ERICH3: variants seen among roughly 807,000 people sequenced by gnomAD.
ERICH3 encodes the protein glutamate rich 3.
ERICH3 carries 126 observed loss-of-function variants against 131.1 expected under a neutral mutation model. That is an observed-to-expected ratio of 0.96 (90% confidence interval 0.83 to 1.11). The LOEUF is 1.11. ERICH3 is among the 50% of genes most tolerant of loss of function. The pLI, the probability that ERICH3 is intolerant of heterozygous loss-of-function variation, is 0.00. For missense variants in ERICH3, 2,050 were observed against 1,810.7 expected (o/e 1.13, Z -2.40); for synonymous variants, 695 against 644.6 (o/e 1.08, Z -1.18).
chr1:74,595,890 T>C lies in ERICH3; in HGVS notation c.1726+3805A>G, dbSNP rs114507477. On this transcript the variant is annotated intron_variant, in intron 11 of 14. Coordinates refer to ENST00000326665, the MANE Select transcript of ERICH3 (RefSeq NM_001002912.5). ...ACCACGCAAAAAATCACACATATTA[T>C]ATAGTCTTTGGTCAGAAGCCATCTA... Among the ~76,000 whole-genome samples the C allele has an allele frequency of 1.5e-3, 234 of 152,198 alleles. 1 individual carries two copies. Among genetic ancestry groups the C allele is most frequent in the African/African-American group, 5.4e-3 (226 of 41,550 alleles).
At chr1:74,610,160 A>C (rs181464561) in intron 9 of ERICH3, among the ~76,000 whole-genome samples, 8 of 152,036 alleles carry the variant, frequency 5.3e-5, no homozygotes, top group Admixed American at 2.6e-4. Flanking sequence ...AAGGCAGTTC[A>C]GGTGGCCCCT....
chr1:74,619,304 T>C (rs1245694058), intron 8 of ERICH3, among the ~76,000 whole-genome samples: 1 of 152,206 alleles, frequency 6.6e-6, no homozygotes, highest in East Asian at 1.9e-4. Context: ...ATCTATCACA[T>C]TTTCCAGCAA....
chr1:74,629,911 G>GA (rs1212093904), intron 7 of ERICH3, among the ~76,000 whole-genome samples: 2 of 152,012 alleles, frequency 1.3e-5, no homozygotes, highest in African/African-American at 2.4e-5. Flanking sequence ...GCTTGCTCTG[G>GA]AAAAATTAAA....
Position 74,590,003 on chromosome 1 carries a change from C to T in ERICH3, c.1804G>A (p.Asp602Asn). ...SDSEDESAVG[D>N]REAHTDSSTD... Reference sequence around the variant, plus strand: ...CTGCTGTCAGTGTGGGCTTCCCTGTCCCCCACTGCAGATTCATCCTCACTG... The same window carrying T: ...CTGCTGTCAGTGTGGGCTTCCCTGTTCCCCACTGCAGATTCATCCTCACTG... The change falls in exon 12 of 15, where the codon GAC (aspartate) becomes AAC (asparagine). Residue 602 changes from aspartate (D) to asparagine (N), a missense_variant. Transcript: ENST00000326665. The T allele has an allele frequency of 3.1e-6, 5 of 1,613,842 alleles. No homozygotes were observed. The highest frequency in any genetic ancestry group is 2.2e-5 in the East Asian group (1 of 44,852).
At chr1:74,652,084 A>G (rs1293700126) in intron 1 of ERICH3, among the ~76,000 whole-genome samples, 4 of 152,178 alleles carry the variant, frequency 2.6e-5, no homozygotes, top group Admixed American at 6.5e-5. Flanking sequence ...TTCCACAACT[A>G]TCACCATATG....
intron 5 of ERICH3, among the ~76,000 whole-genome samples, chr1:74,640,440 T>C (rs1171920224): frequency 6.6e-6 from 1 of 152,202 alleles, no homozygotes; most frequent in East Asian, 1.9e-4. Context: ...CTATATGTGA[T>C]GAACCTACTT....
chr1:74,573,275 C>T lies in ERICH3; in HGVS notation c.2435G>A (p.Trp812Ter). ...TTCTGGCTGCTCTGCTGTTGGCTTC[C>T]ACGCCCTCAAGGGAGCCTCATGAAC... ...GAVHEAPLRAWKPTAEQPELA... is the reference protein window; with the variant it reads ...GAVHEAPLRA The change falls in exon 14 of 15, where the codon TGG becomes TAG. Residue 812 changes from tryptophan (W) to a stop codon, truncating the protein, a stop_gained. Transcript: ENST00000326665. LOFTEE classifies it high-confidence loss of function. 1.3e-6 allele frequency: 2 copies of T among 1,598,962 alleles called. No homozygotes were observed. Among genetic ancestry groups the T allele is most frequent in the Non-Finnish European group, 1.7e-6 (2 of 1,173,900 alleles).
At chr1:74,642,967 G>C (rs1169338904) in intron 4 of ERICH3, 60 bp downstream of exon 4, 1 of 1,298,788 alleles carries the variant, frequency 7.7e-7, no homozygotes, top group African/African-American at 1.5e-5. Flanking sequence ...TAGTTTCACT[G>C]TTTTTTTTAA....
At chr1:74,589,356 T>C (rs577695844) in intron 12 of ERICH3, 3 of 541,582 alleles carry the variant, frequency 5.5e-6, no homozygotes, top group African/African-American at 1.9e-5. Flanking sequence ...GTGCTTTATT[T>C]CATTCCTGAG....
At chr1:74,646,625 GA>G (rs1457053576) in intron 3 of ERICH3, 41 bp downstream of exon 3, 37 of 1,068,782 alleles carry the variant, frequency 3.5e-5, no homozygotes, top group Non-Finnish European at 3.8e-5. Context: ...TGTGGAAGTA[GA>G]AAAAAATAAA....
intron 1 of ERICH3, among the ~76,000 whole-genome samples, chr1:74,673,059 G>A (rs1646756024): frequency 6.6e-6 from 1 of 152,094 alleles, no homozygotes; most frequent in Admixed American, 6.5e-5. Flanking sequence ...AATACTGAAT[G>A]AACTCACACC....
At chr1:74,579,949 T>A (rs1003978102) in intron 12 of ERICH3, 1 of 913,716 alleles carries the variant, frequency 1.1e-6, no homozygotes, top group Non-Finnish European at 1.3e-6. Flanking sequence ...AATGATACTT[T>A]AAGGTATTTT....
chr1:74,606,688 C>T lies in ERICH3; in HGVS notation c.1402G>A (p.Val468Met). Reference sequence around the variant, plus strand: ...GTCATTTCCTCCACAGCAGTTACCACTTCTTTGAGCCCTGTTTTTATTTCT... The same window carrying T: ...GTCATTTCCTCCACAGCAGTTACCATTTCTTTGAGCCCTGTTTTTATTTCT... ...AQEIKTGLKE[V>M]VTAVEEMTSK... The change falls in exon 10 of 15, where the codon GTG becomes ATG. Residue 468 changes from valine (V) to methionine (M), a missense_variant. By Grantham distance (21) the Val-to-Met change is conservative. Transcript: ENST00000326665. 1 of 1,612,826 alleles carries T rather than the reference C, an allele frequency of 6.2e-7. No homozygotes were observed. Among genetic ancestry groups the T allele is most frequent in the Non-Finnish European group, 8.5e-7 (1 of 1,179,210 alleles).
chr1:74,600,383 A>T (rs74839922), intron 10 of ERICH3, among the ~76,000 whole-genome samples: 4 of 151,868 alleles, frequency 2.6e-5, no homozygotes, highest in African/African-American at 9.7e-5. Flanking sequence ...TGAAGTGGAA[A>T]AATTCAATTA....
At chr1:74,602,625 A>T (rs868620665) in intron 10 of ERICH3, among the ~76,000 whole-genome samples, 3 of 151,900 alleles carry the variant, frequency 2.0e-5, no homozygotes, top group Admixed American at 6.6e-5. Context: ...CTGCATTTTT[A>T]AAAAAGGAAA....
chr1:74,626,644 G>T (rs1245144808), intron 7 of ERICH3, among the ~76,000 whole-genome samples: 1 of 152,170 alleles, frequency 6.6e-6, no homozygotes, highest in East Asian at 1.9e-4. Flanking sequence ...TGACTGGTAA[G>T]GTTAGACTAC....
At chr1:74,639,579 A>G (rs1271816675) in intron 5 of ERICH3, among the ~76,000 whole-genome samples, 1 of 152,212 alleles carries the variant, frequency 6.6e-6, no homozygotes, top group Non-Finnish European at 1.5e-5. Context: ...ATGAATTGAA[A>G]TTAACTACCT....
chr1:74,588,172 C>T (rs551241330), intron 12 of ERICH3, among the ~76,000 whole-genome samples: 1 of 152,220 alleles, frequency 6.6e-6, no homozygotes. Flanking sequence ...CTTTATCCTC[C>T]TGTATCCCAC....
intron 7 of ERICH3, among the ~76,000 whole-genome samples, chr1:74,630,489 A>T (rs1452446442): frequency 6.6e-6 from 1 of 152,162 alleles, no homozygotes; most frequent in Non-Finnish European, 1.5e-5. Flanking sequence ...AGACTCCTTC[A>T]TTCTGAGCTG....
Sources: gnomAD v4.1 joint callset for allele counts (sites outside exome capture counted in the v4.1 genomes callset) on GRCh38, gnomAD v4.1.1 for gene constraint, MANE v1.5 for transcripts, NCBI Gene and HGNC (gene_info 2026-07-23, HGNC 2026-07-21) for gene names.